LRRC20: variants seen among roughly 807,000 people sequenced by gnomAD.
LRRC20 encodes the protein leucine rich repeat containing 20, also known as leucine-rich repeat-containing protein 20.
Under a neutral mutation model 14.4 loss-of-function variants are expected in LRRC20, and 11 were observed. The observed-to-expected ratio is 0.77, with a 90% CI of 0.48 to 1.27. The LOEUF (loss-of-function observed/expected upper bound fraction) is 1.27. Among genes scored for constraint, LRRC20 ranks in the 50% most tolerant of loss-of-function variants. The pLI, the probability that LRRC20 is intolerant of heterozygous loss-of-function variation, is 0.00. For missense variants in LRRC20, 219 were observed against 251.2 expected (o/e 0.87, Z 0.87); for synonymous variants, 121 against 107.3 (o/e 1.13, Z -0.79).
chr10:70,359,597 C>A (rs1331908078), intron 2 of LRRC20, among the ~76,000 whole-genome samples: 1 of 152,186 alleles, frequency 6.6e-6, no homozygotes, highest in African/African-American at 2.4e-5. Context: ...CAAAGCCTAG[C>A]ATCCACACAG....
chr10:70,367,026 G>C (rs1269918429), intron 2 of LRRC20, among the ~76,000 whole-genome samples: 2 of 152,100 alleles, frequency 1.3e-5, no homozygotes, highest in Non-Finnish European at 2.9e-5. Context: ...TTATCTGAGA[G>C]AAATGAAAAC....
At chr10:70,310,543 C>T (rs1589941623) in intron 4 of LRRC20, among the ~76,000 whole-genome samples, 2 of 152,224 alleles carry the variant, frequency 1.3e-5, no homozygotes, top group East Asian at 1.9e-4. Flanking sequence ...TATACACACT[C>T]GTATCATGCA....
At chr10:70,369,464 G>A (rs554462822) in intron 2 of LRRC20, among the ~76,000 whole-genome samples, 1 of 152,260 alleles carries the variant, frequency 6.6e-6, no homozygotes, top group Admixed American at 6.5e-5. Context: ...AAGCAGGAGA[G>A]GAGGGAAGTT....
chr10:70,373,066 G>A (rs1472422488), intron 2 of LRRC20, among the ~76,000 whole-genome samples: 2 of 151,964 alleles, frequency 1.3e-5, no homozygotes, highest in Admixed American at 1.3e-4. Flanking sequence ...AGCCAAGATT[G>A]TGCCATGGCA....
chr10:70,318,777 T>C (rs896820922), intron 4 of LRRC20, among the ~76,000 whole-genome samples: 3 of 151,736 alleles, frequency 2.0e-5, no homozygotes, highest in Non-Finnish European at 2.9e-5. Flanking sequence ...AAAGTGTTGT[T>C]ACTGTATTTA....
intron 2 of LRRC20, among the ~76,000 whole-genome samples, chr10:70,358,730 C>T (rs1843617554): frequency 6.6e-6 from 1 of 152,222 alleles, no homozygotes; most frequent in Non-Finnish European, 1.5e-5. Context: ...CCCCACCTCC[C>T]CAGAAAGGGC....
At chr10:70,309,651 T>C (rs1841569884) in intron 4 of LRRC20, among the ~76,000 whole-genome samples, 1 of 152,228 alleles carries the variant, frequency 6.6e-6, no homozygotes, top group African/African-American at 2.4e-5. Flanking sequence ...CTTCTCCCCA[T>C]CCGCTACTGA....
intron 4 of LRRC20, among the ~76,000 whole-genome samples, chr10:70,306,332 C>T (rs1359176181): frequency 1.3e-5 from 2 of 152,146 alleles, no homozygotes; most frequent in Non-Finnish European, 2.9e-5. Context: ...GCCCTAACAT[C>T]CTGTACAGCA....
chr10:70,310,735 G>A (rs1841621394), intron 4 of LRRC20, among the ~76,000 whole-genome samples: 1 of 152,216 alleles, frequency 6.6e-6, no homozygotes, highest in South Asian at 2.1e-4. Context: ...CATCAATGCT[G>A]CTTAATCAAC....
In LRRC20 at chr10:70,300,821, T is replaced by G; in HGVS notation, c.*533A>C. ...CCCACCAGTCCAGGGACCACAGGAC[T>G]GAAGACTGGGCCCTGCAGAGGGCCG... On this transcript the variant is annotated 3_prime_UTR_variant, in exon 5 of 5. Transcript: ENST00000446961. 1.0e-6 allele frequency: 1 copy of G among 985,892 alleles called. No individual in the cohort carries two copies. The highest frequency in any genetic ancestry group is 1.2e-6 in the Non-Finnish European group (1 of 830,294). 61.1% of individuals were successfully genotyped at this position (985,892 alleles called of 1,614,324 possible). A position where few individuals can be genotyped will look rare whatever the true frequency, so the allele number is the denominator to read the frequency against.
intron 3 of LRRC20, among the ~76,000 whole-genome samples, chr10:70,338,634 GT>G (rs1190472724): frequency 1.3e-5 from 2 of 152,038 alleles, no homozygotes; most frequent in Non-Finnish European, 2.9e-5. Flanking sequence ...TGGATGTATG[GT>G]TTTGTTTTTT....
At chr10:70,377,544 A>G (rs1289953626) in intron 1 of LRRC20, among the ~76,000 whole-genome samples, 1 of 152,102 alleles carries the variant, frequency 6.6e-6, no homozygotes, top group African/African-American at 2.4e-5. Flanking sequence ...CACCCCATAG[A>G]GAGAGGAATG....
chr10:70,376,665 G>T, intron 1 of LRRC20, 69 bp from the exon 2 acceptor site: 1 of 795,368 alleles, frequency 1.3e-6, no homozygotes, highest in South Asian at 1.6e-5. Context: ...TCCCCCTCCA[G>T]CATCCTTCTC....
intron 2 of LRRC20, among the ~76,000 whole-genome samples, chr10:70,342,025 GCA>G (rs2137024626): frequency 6.6e-6 from 1 of 152,170 alleles, no homozygotes; most frequent in African/African-American, 2.4e-5. Context: ...TGGGCGGGGC[GCA>G]GTGGCTCACG....
intron 1 of LRRC20, among the ~76,000 whole-genome samples, chr10:70,380,748 T>TC (rs1160679277): frequency 6.6e-6 from 1 of 152,184 alleles, no homozygotes; most frequent in African/African-American, 2.4e-5. Context: ...TCAACCCCAT[T>TC]CCTCAGAGTG....
intron 2 of LRRC20, among the ~76,000 whole-genome samples, chr10:70,366,424 CA>C (rs973992618): frequency 1.0e-4 from 14 of 139,592 alleles, no homozygotes; most frequent in South Asian, 2.2e-4. Context: ...AACTCTGTCT[CA>C]AAAAAAAAAT....
intron 2 of LRRC20, among the ~76,000 whole-genome samples, chr10:70,354,823 C>G (rs867398212): frequency 2.0e-5 from 3 of 152,194 alleles, no homozygotes; most frequent in Non-Finnish European, 4.4e-5. Context: ...GTTCATGCTT[C>G]TGGTACTCAG....
chr10:70,340,147 C>T (rs991028186), intron 3 of LRRC20, among the ~76,000 whole-genome samples: 4 of 151,772 alleles, frequency 2.6e-5, no homozygotes, highest in Admixed American at 6.6e-5. Flanking sequence ...AAGAAAATGC[C>T]AACATCCCTG....
intron 2 of LRRC20, among the ~76,000 whole-genome samples, chr10:70,364,944 A>C (rs1843916551): frequency 6.6e-6 from 1 of 152,206 alleles, no homozygotes; most frequent in Non-Finnish European, 1.5e-5. Flanking sequence ...CAGGACAGGA[A>C]GCTCCAAATT....
Sources: gnomAD v4.1 joint callset for allele counts (sites outside exome capture counted in the v4.1 genomes callset) on GRCh38, gnomAD v4.1.1 for gene constraint, MANE v1.5 for transcripts, NCBI Gene and HGNC (gene_info 2026-07-23, HGNC 2026-07-21) for gene names.